COL14A1: variants seen among roughly 807,000 people sequenced by gnomAD.
The protein encoded by COL14A1 is collagen type XIV alpha 1 chain, also known as collagen alpha-1(XIV) chain.
COL14A1 carries 136 observed loss-of-function variants against 230.3 expected under a neutral mutation model. That is an observed-to-expected ratio of 0.59 (90% confidence interval 0.51 to 0.68). COL14A1 has a LOEUF of 0.68. COL14A1 is among the 30% of genes least tolerant of loss of function. The pLI, the probability that COL14A1 is intolerant of heterozygous loss-of-function variation, is 0.00. For synonymous variants in COL14A1, 792 were observed against 784.1 expected, an observed-to-expected ratio of 1.01 and a Z score of -0.17; for missense variants, 1,976 against 2,215.8, an observed-to-expected ratio of 0.89 and a Z score of 2.17.
At chr8:120,289,536 C>T (rs1436905466) in intron 33 of COL14A1, 72 bp from the exon 34 acceptor site, 6 of 1,321,988 alleles carry the variant, frequency 4.5e-6, no homozygotes, top group Non-Finnish European at 2.1e-6. Context: ...AATGATGAAT[C>T]ATACAATTAT....
At chr8:120,310,155 C>A in intron 37 of COL14A1, 93 bp downstream of exon 37, 1 of 1,295,162 alleles carries the variant, frequency 7.7e-7, no homozygotes, top group Non-Finnish European at 1.1e-6. Flanking sequence ...CTTATTTCAC[C>A]CTTGCAATCT....
intron 5 of COL14A1, among the ~76,000 whole-genome samples, chr8:120,191,287 T>C (rs1816815245): frequency 6.6e-6 from 1 of 151,562 alleles, no homozygotes; most frequent in Non-Finnish European, 1.5e-5. Context: ...TATTTCTGCC[T>C]TCATTTCGTT....
intron 45 of COL14A1, among the ~76,000 whole-genome samples, chr8:120,348,247 A>T (rs956346011): frequency 3.9e-4 from 58 of 148,638 alleles, no homozygotes; most frequent in Admixed American, 8.8e-4. Flanking sequence ...ATATATATGT[A>T]TATATATGAA....
At chr8:120,127,185 T>G (rs560344452) in intron 1 of COL14A1, among the ~76,000 whole-genome samples, 1 of 152,362 alleles carries the variant, frequency 6.6e-6, no homozygotes, top group South Asian at 2.1e-4. Flanking sequence ...TTGTGACTGC[T>G]TCTTTTACCT....
intron 25 of COL14A1, 74 bp from the exon 26 acceptor site, chr8:120,269,961 T>A: frequency 2.6e-6 from 4 of 1,516,414 alleles, no homozygotes; most frequent in Non-Finnish European, 3.6e-6. Context: ...GGGCAACCAT[T>A]ATTTGTCTTA....
At chr8:120,128,068 G>A (rs1814401537) in intron 1 of COL14A1, among the ~76,000 whole-genome samples, 1 of 152,174 alleles carries the variant, frequency 6.6e-6, no homozygotes, top group Admixed American at 6.5e-5. Context: ...TTTGCCCCTC[G>A]ATAGTGCTGG....
rs1157199568 is a variant in COL14A1 at position 120,283,656 on chromosome 8, T to A, written c.3845T>A (p.Leu1282Ter). The A allele has an allele frequency of 3.1e-6, 5 of 1,611,666 alleles. No individual in the cohort carries two copies. The highest frequency in any genetic ancestry group is 3.4e-6 in the Non-Finnish European group (4 of 1,179,406). ...QPTRYLHPEG[L>*]PSDYTISFLF... ...TTCAGGTACTTGCACCCAGAAGGATTGCCCTCCGACTACACAATCAGTTTT... is the reference window on the plus strand; with the variant it reads ...TTCAGGTACTTGCACCCAGAAGGATAGCCCTCCGACTACACAATCAGTTTT... Residue 1282 changes from leucine (L) to a stop codon, truncating the protein, a stop_gained, in exon 32 of 48, where the codon TTG (leucine) becomes TAG (stop). Coordinates refer to ENST00000297848, the MANE Select transcript of COL14A1 (RefSeq NM_021110.4). LOFTEE classifies it high-confidence loss of function.
chr8:120,310,103 T>G (rs937490338), intron 37 of COL14A1, 41 bp downstream of exon 37: 2 of 1,598,692 alleles, frequency 1.3e-6, no homozygotes, highest in Non-Finnish European at 8.6e-7. Context: ...CTCATCTCTC[T>G]CTCTCTCTCA....
At chr8:120,258,037 T>C (rs539747329) in intron 23 of COL14A1, among the ~76,000 whole-genome samples, 2 of 152,158 alleles carry the variant, frequency 1.3e-5, no homozygotes, top group South Asian at 4.1e-4. Flanking sequence ...TTTTGCAAGG[T>C]TTTTGTGAGT....
chr8:120,350,080 T>G (rs1483759519), intron 45 of COL14A1, among the ~76,000 whole-genome samples: 1 of 149,644 alleles, frequency 6.7e-6, no homozygotes, highest in Non-Finnish European at 1.5e-5. Context: ...GGGGCCAATA[T>G]TCAACATTCT....
chr8:120,328,422 G>T (rs1044213596), intron 40 of COL14A1, among the ~76,000 whole-genome samples: 1 of 151,214 alleles, frequency 6.6e-6, no homozygotes, highest in Non-Finnish European at 1.5e-5. Context: ...GTAGAGATAG[G>T]GGTGTCTTTA....
chr8:120,202,316 C>T (rs1817274856), intron 8 of COL14A1, among the ~76,000 whole-genome samples: 1 of 152,170 alleles, frequency 6.6e-6, no homozygotes, highest in Admixed American at 6.6e-5. Flanking sequence ...CCTCCTAAAG[C>T]AAATAGTTCA....
chr8:120,322,224 G>T lies in COL14A1; in HGVS notation c.4659+6227G>T, dbSNP rs1821477053. Among the ~76,000 whole-genome samples the T allele has an allele frequency of 1.3e-5, 2 of 151,964 alleles. 1 individual carries two copies. Among genetic ancestry groups the T allele is most frequent in the South Asian group, 4.2e-4 (2 of 4,804 alleles). The stretch of plus-strand genomic sequence containing the variant: ...GAAAACACACACTGGGGCCTGTTGG[G>T]GGGTGGGGTTGGGGAAGGAGAGCAT... On this transcript the variant is annotated intron_variant, in intron 40 of 47. Transcript: ENST00000297848.
chr8:120,304,164 A>G (rs1820793857), intron 36 of COL14A1, among the ~76,000 whole-genome samples: 1 of 151,960 alleles, frequency 6.6e-6, no homozygotes, highest in Non-Finnish European at 1.5e-5. Flanking sequence ...TGGCTTATCT[A>G]TCTTATTAAT....
chr8:120,158,824 A>G (rs1023159606), intron 3 of COL14A1, among the ~76,000 whole-genome samples: 1 of 152,188 alleles, frequency 6.6e-6, no homozygotes, highest in Non-Finnish European at 1.5e-5. Context: ...TTAAATAATG[A>G]AGTATCTTTC....
intron 2 of COL14A1, among the ~76,000 whole-genome samples, chr8:120,157,052 G>C (rs909441139): frequency 1.3e-5 from 2 of 152,062 alleles, no homozygotes; most frequent in African/African-American, 2.4e-5. Flanking sequence ...TAATAAAAAC[G>C]TTCTTAGCTT....
At chr8:120,269,095 G>T (rs368467692) in intron 25 of COL14A1, among the ~76,000 whole-genome samples, 2 of 151,724 alleles carry the variant, frequency 1.3e-5, no homozygotes, top group East Asian at 1.9e-4. Flanking sequence ...TAAAAACTAA[G>T]TGAGGTTTTT....
chr8:120,314,107 C>T, intron 38 of COL14A1, 80 bp downstream of exon 38: 4 of 1,043,664 alleles, frequency 3.8e-6, no homozygotes, highest in Non-Finnish European at 5.7e-6. Flanking sequence ...CTTTTGTCTT[C>T]TGTGTCTTAA....
chr8:120,189,812 A>G (rs939543793), intron 5 of COL14A1, among the ~76,000 whole-genome samples: 3 of 151,258 alleles, frequency 2.0e-5, no homozygotes, highest in Non-Finnish European at 4.4e-5. Context: ...AAGGACATGA[A>G]CTCATCATGT....
Sources: gnomAD v4.1 joint callset for allele counts (sites outside exome capture counted in the v4.1 genomes callset) on GRCh38, gnomAD v4.1.1 for gene constraint, MANE v1.5 for transcripts, NCBI Gene and HGNC (gene_info 2026-07-23, HGNC 2026-07-21) for gene names.